The following RPTOR variants were observed in gnomAD, a reference collection of about 807,000 sequenced individuals.
The protein encoded by RPTOR is regulatory associated protein of MTOR complex 1.
A neutral mutation model predicts 169.9 loss-of-function variants in RPTOR; 21 were observed. The observed-to-expected ratio is 0.12, with a 90% CI of 0.09 to 0.18. RPTOR has a LOEUF of 0.18. Ranked by LOEUF, RPTOR falls within the 10% of genes least tolerant of loss-of-function variation. RPTOR has a pLI of 1.00. For missense variants in RPTOR, 1,133 were observed against 1,855.9 expected (o/e 0.61, Z 7.16); for synonymous variants, 732 against 753.2 (o/e 0.97, Z 0.46).
At position 80,925,398 on chromosome 17, in the gene RPTOR, G is replaced by C; in HGVS notation, c.2837G>C (p.Gly946Ala). The C allele has an allele frequency of 6.2e-7, 1 of 1,613,766 alleles. No homozygotes were observed. The highest frequency in any genetic ancestry group is 1.3e-5 in the African/African-American group (1 of 75,068). Residue 946 changes from glycine (G) to alanine (A), a missense_variant, in exon 24 of 34, where the codon GGA becomes GCA. Physicochemically the swap from Gly to Ala is moderately conservative, Grantham distance 60 (BLOSUM62 0). Transcript: ENST00000306801. ...GCGGACGACGCGGACGATGCTGCTG[G>C]ACACAAAAGTTTCATCTCCGCCACG... is the stretch of plus-strand genomic sequence containing the variant. ...QTADDADDAA[G>A]HKSFISATVQ... is the part of the protein sequence containing the mutation.
At position 80,862,821 on chromosome 17, in the gene RPTOR, T is replaced by C. The variant is rs369187250; in HGVS notation, c.1509+4921T>C. ...GGGGTGCACATGGTGTACAGACGGG[T>C]CCACCTGTGAAGATCGCAGAGCCTG... On this transcript the variant is annotated intron_variant, in intron 13 of 33. Transcript: ENST00000306801. Among the ~76,000 whole-genome samples, 5 of 152,216 alleles carry C rather than the reference T, an allele frequency of 3.3e-5. No homozygotes were observed. The East Asian group carries it at 5.8e-4, about 18-fold the overall frequency.
intron 1 of RPTOR, among the ~76,000 whole-genome samples, chr17:80,546,808 C>G (rs2084281242): frequency 6.6e-6 from 1 of 152,188 alleles, no homozygotes; most frequent in Non-Finnish European, 1.5e-5. Flanking sequence ...AATCTCAGCA[C>G]TTTGGGAGGC....
rs186197338 is a variant in RPTOR at position 80,724,111 on chromosome 17, A to G, written c.508-6449A>G. Among the ~76,000 whole-genome samples, 5 of 151,482 alleles carry G rather than the reference A, an allele frequency of 3.3e-5. No individual in the cohort carries two copies. In the East Asian group the frequency reaches 9.6e-4, roughly 29 times the overall value. On this transcript the variant is annotated intron_variant, in intron 4 of 33. Coordinates refer to ENST00000306801, the MANE Select transcript of RPTOR (RefSeq NM_020761.3). ...TGGGAAGGTATGAGAAGATTAATTCAGGACAGAGATACAGCATTTGACTTG... is the reference window on the plus strand; with the variant it reads ...TGGGAAGGTATGAGAAGATTAATTCGGGACAGAGATACAGCATTTGACTTG...
rs1468292324 is a variant in RPTOR at position 80,678,228 on chromosome 17, A to C, written c.349-29613A>C. Among the ~76,000 whole-genome samples, 5 of 152,198 alleles carry C rather than the reference A, an allele frequency of 3.3e-5. No individual in the cohort carries two copies. The East Asian group carries it at 9.6e-4, about 29-fold the overall frequency. On this transcript the variant is annotated intron_variant, in intron 3 of 33. Coordinates refer to ENST00000306801, the MANE Select transcript of RPTOR (RefSeq NM_020761.3). ...AAGTTTGCAGCAGAAAAAGACAAAAAGGAAGGAGAAGGACCTTTTGACATA... is the reference window on the plus strand; with the variant it reads ...AAGTTTGCAGCAGAAAAAGACAAAACGGAAGGAGAAGGACCTTTTGACATA...
At chr17:80,826,269 A>G (rs954052923) in intron 9 of RPTOR, among the ~76,000 whole-genome samples, 4 of 152,140 alleles carry the variant, frequency 2.6e-5, no homozygotes, top group African/African-American at 9.7e-5. Flanking sequence ...CCCCATTTTG[A>G]TGGGGCCCTT....
chr17:80,840,654 A>C, intron 10 of RPTOR, among the ~76,000 whole-genome samples: 1 of 35,904 alleles, frequency 2.8e-5, no homozygotes, highest in Non-Finnish European at 9.7e-5. Context: ...GCTCACTCTC[A>C]CCACACCACA....
At chr17:80,719,785 TC>T (rs1287091209) in intron 4 of RPTOR, among the ~76,000 whole-genome samples, 4 of 152,318 alleles carry the variant, frequency 2.6e-5, no homozygotes, top group Middle Eastern at 6.8e-3. Context: ...TAAACCCCAG[TC>T]CCGTAAAATC....
chr17:80,596,531 T>C (rs546774642), intron 1 of RPTOR, among the ~76,000 whole-genome samples: 15 of 152,312 alleles, frequency 9.8e-5, no homozygotes, highest in African/African-American at 3.1e-4. Flanking sequence ...TCATATGTAG[T>C]GGTTCTCTGT....
intron 3 of RPTOR, among the ~76,000 whole-genome samples, chr17:80,676,900 C>A (rs2065865102): frequency 6.6e-6 from 1 of 152,170 alleles, no homozygotes. Context: ...CCTAGTGCCG[C>A]CTCATCTGAC....
chr17:80,583,182 G>GTTTTTTTTTT lies in RPTOR; in HGVS notation c.162+37406_162+37415dup, dbSNP rs1166711662. On this transcript the variant is annotated intron_variant, in intron 1 of 33. Coordinates refer to ENST00000306801, the MANE Select transcript of RPTOR (RefSeq NM_020761.3). ...GGTCCCTGTCCACTGCCTCTTTCCT[G>GTTTTTTTTTT]TTTTTTTTTTTTTTTTTTTTTTTTG... Among the ~76,000 whole-genome samples, 390 of 79,246 alleles carry GTTTTTTTTTT rather than the reference G, an allele frequency of 4.9e-3. 39 individuals carry two copies. Among genetic ancestry groups the GTTTTTTTTTT allele is most frequent in the Non-Finnish European group, 7.1e-3 (289 of 40,976 alleles). The allele number at this position is 79,246 out of a possible 152,430, so 52.0% of individuals were successfully genotyped here. A position where few individuals can be genotyped will look rare whatever the true frequency, so the allele number is the denominator to read the frequency against.
intron 3 of RPTOR, among the ~76,000 whole-genome samples, chr17:80,674,223 A>C (rs1241446225): frequency 6.6e-6 from 1 of 152,258 alleles, no homozygotes; most frequent in Non-Finnish European, 1.5e-5. Flanking sequence ...TCCTGTTTAC[A>C]CATGTTATGG....
intron 25 of RPTOR, 103 bp downstream of exon 25, chr17:80,940,704 C>T: frequency 2.2e-6 from 2 of 912,782 alleles, no homozygotes; most frequent in Non-Finnish European, 3.4e-6. Flanking sequence ...ACAACCTTCT[C>T]CAGCCATCCA....
intron 7 of RPTOR, among the ~76,000 whole-genome samples, chr17:80,799,593 T>C (rs1443165965): frequency 6.6e-6 from 1 of 152,224 alleles, no homozygotes; most frequent in African/African-American, 2.4e-5. Context: ...ACCTGACTAG[T>C]GTGACGAGTC....
At position 80,965,347 on chromosome 17, in the gene RPTOR, C is replaced by T. The variant is rs1032812665; in HGVS notation, c.*1017C>T. 6.0e-5 allele frequency: 14 copies of T among 233,226 alleles called. No individual in the cohort carries two copies. The highest frequency in any genetic ancestry group is 7.6e-5 in the Non-Finnish European group (9 of 118,094). 14.4% of individuals were successfully genotyped at this position (233,226 alleles called of 1,614,324 possible). On this transcript the variant is annotated 3_prime_UTR_variant, in exon 34 of 34. Coordinates refer to ENST00000306801, the MANE Select transcript of RPTOR (RefSeq NM_020761.3). ...GCAAGAGGCACTGCCGGGTCCCGGA[C>T]GGCTCCGGGTGACACCAGCCCCGTC... is the stretch of plus-strand genomic sequence containing the variant.
intron 3 of RPTOR, among the ~76,000 whole-genome samples, chr17:80,648,176 AGTT>A (rs955485538): frequency 2.0e-5 from 3 of 151,946 alleles, no homozygotes; most frequent in African/African-American, 7.3e-5. Flanking sequence ...TTGATAATAG[AGTT>A]GTTTGTGTGC....
chr17:80,751,023 T>A (rs2066625223), intron 5 of RPTOR, among the ~76,000 whole-genome samples: 1 of 152,224 alleles, frequency 6.6e-6, no homozygotes, highest in Non-Finnish European at 1.5e-5. Context: ...GGGTTTAATG[T>A]TCCTGTGGTA....
chr17:80,842,750 C>T (rs1304674229), intron 10 of RPTOR, among the ~76,000 whole-genome samples: 2 of 152,204 alleles, frequency 1.3e-5, no homozygotes, highest in Admixed American at 6.5e-5. Flanking sequence ...TCTGAGCAGA[C>T]GCTACGCTCT....
chr17:80,933,543 TC>T (rs2068922505), intron 24 of RPTOR, among the ~76,000 whole-genome samples: 1 of 152,220 alleles, frequency 6.6e-6, no homozygotes, highest in Non-Finnish European at 1.5e-5. Context: ...TTGGCAGAAC[TC>T]CCCAAATAGC....
chr17:80,784,708 T>C lies in RPTOR; in HGVS notation c.831-6742T>C, dbSNP rs546424819. On this transcript the variant is annotated intron_variant, in intron 6 of 33. Transcript: ENST00000306801. ...GTGCCCGGCCTATTTTACTTTTTTTTTTTTTTTGAGACAGAGTTTCGCTCT... is the reference window on the plus strand; with the variant it reads ...GTGCCCGGCCTATTTTACTTTTTTTCTTTTTTTGAGACAGAGTTTCGCTCT... Among the ~76,000 whole-genome samples, 15 of 147,532 alleles carry C rather than the reference T, an allele frequency of 1.0e-4. No homozygotes were observed. In the South Asian group the frequency reaches 3.2e-3, roughly 32 times the overall value.
Sources: allele counts gnomAD v4.1 joint callset (sites outside exome capture counted in the v4.1 genomes callset), GRCh38; gene constraint gnomAD v4.1.1; transcripts MANE v1.5; gene names NCBI Gene and HGNC (gene_info 2026-07-23, HGNC 2026-07-21).